The following HSPA4 variants were observed in gnomAD, a reference collection of about 807,000 sequenced individuals.
HSPA4 encodes the protein heat shock 70 kDa protein 4.
Under a neutral mutation model 106.2 loss-of-function variants are expected in HSPA4, and 25 were observed. That is an observed-to-expected ratio of 0.24 (90% CI 0.17 to 0.33). The LOEUF (loss-of-function observed/expected upper bound fraction) is 0.33. HSPA4 is among the 10% of genes least tolerant of loss of function. The pLI, the probability that HSPA4 is intolerant of heterozygous loss-of-function variation, is 1.00. For synonymous variants in HSPA4, 332 were observed against 333.6 expected (o/e 1.00, Z 0.05); for missense variants, 841 against 996.0 (o/e 0.84, Z 2.10).
intron 14 of HSPA4, 71 bp from the exon 15 acceptor site, chr5:133,097,090 A>C (rs1765721782): frequency 1.6e-6 from 2 of 1,259,062 alleles, no homozygotes; most frequent in Non-Finnish European, 2.2e-6. Flanking sequence ...CTCTACTTTT[A>C]TAATTATATT....
intron 15 of HSPA4, 103 bp downstream of exon 15, chr5:133,097,389 A>C: frequency 1.9e-6 from 2 of 1,030,040 alleles, no homozygotes; most frequent in Non-Finnish European, 2.7e-6. Context: ...TAGAATTATT[A>C]AAAATGGAGT....
At chr5:133,061,067 G>A (rs1010507549) in intron 1 of HSPA4, among the ~76,000 whole-genome samples, 3 of 151,344 alleles carry the variant, frequency 2.0e-5, no homozygotes, top group Non-Finnish European at 2.9e-5. Context: ...ACACACAACT[G>A]AAAAGCTTCA....
At chr5:133,085,044 A>T (rs934544218) in intron 7 of HSPA4, among the ~76,000 whole-genome samples, 7 of 152,028 alleles carry the variant, frequency 4.6e-5, no homozygotes, top group African/African-American at 1.7e-4. Flanking sequence ...CCTGGGCTCA[A>T]GCCTTAGCTT....
chr5:133,057,594 CCT>C (rs1261250515), intron 1 of HSPA4, among the ~76,000 whole-genome samples: 2 of 152,142 alleles, frequency 1.3e-5, no homozygotes, highest in Non-Finnish European at 2.9e-5. Context: ...TTCATAATAT[CCT>C]CTCAGAATGT....
In HSPA4 at chr5:133,070,516, A is replaced by C; in HGVS notation, c.429+20A>C. 1 of 1,610,682 alleles carries C rather than the reference A, an allele frequency of 6.2e-7. No homozygotes were observed. Among genetic ancestry groups the C allele is most frequent in the Non-Finnish European group, 8.5e-7 (1 of 1,178,112 alleles). ...GTTTCGGTGAGTTTGATCCCTATAC[A>C]TTATTGGGAATTTGCATGAAGAAGC... On this transcript the variant is annotated intron_variant, in intron 4 of 18. Transcript: ENST00000304858.
chr5:133,058,404 A>G (rs116307135), intron 1 of HSPA4, among the ~76,000 whole-genome samples: 4,619 of 152,230 alleles, frequency 0.03, 93 homozygotes, highest in Non-Finnish European at 0.044. Flanking sequence ...GGGGCTGGGC[A>G]CAGTGGCTCA....
At position 133,052,315 on chromosome 5, in the gene HSPA4, G is replaced by A; in HGVS notation, c.65G>A (p.Gly22Asp). The change falls in exon 1 of 19, where the codon GGC (glycine) becomes GAC (aspartate). Residue 22 changes from glycine (G) to aspartate (D), a missense_variant. By Grantham distance (94) the Gly-to-Asp change is moderately conservative. This residue lies in a region of HSPA4 where 347 missense variants were observed against 408.7 expected (regional missense o/e 0.85). Coordinates refer to ENST00000304858, the MANE Select transcript of HSPA4 (RefSeq NM_002154.4). ...TACGTCGCTGTGGCCCGCGCCGGCG[G>A]CATCGAGACTATCGCTAATGAGTAT... Reference protein sequence around the residue: ...SCYVAVARAGGIETIANEYSD... With the variant: ...SCYVAVARAGDIETIANEYSD... 1.3e-6 allele frequency: 2 copies of A among 1,587,918 alleles called. No homozygotes were observed. The highest frequency in any genetic ancestry group is 1.3e-5 in the African/African-American group (1 of 74,456).
intron 1 of HSPA4, among the ~76,000 whole-genome samples, chr5:133,060,467 A>G (rs1462336377): frequency 6.6e-6 from 1 of 151,636 alleles, no homozygotes; most frequent in Non-Finnish European, 1.5e-5. Flanking sequence ...GGTTCAAGTG[A>G]TTCTTCTGCC....
intron 7 of HSPA4, among the ~76,000 whole-genome samples, chr5:133,080,207 A>G (rs1252120428): frequency 6.6e-6 from 1 of 151,522 alleles, no homozygotes; most frequent in Non-Finnish European, 1.5e-5. Flanking sequence ...TGAGCTCAGG[A>G]GTTCGAGACC....
At chr5:133,088,873 T>TA (rs1765611020) in intron 9 of HSPA4, among the ~76,000 whole-genome samples, 182 bp from the exon 10 acceptor site, 2 of 152,200 alleles carry the variant, frequency 1.3e-5, no homozygotes, top group Admixed American at 6.5e-5. Context: ...AAGGAATAGC[T>TA]AGATTATATA....
Position 133,052,369 on chromosome 5 carries a change from C to T in HSPA4, c.107+12C>T. ...GACCGCTGCACGCCGTAAGTGTGGG[C>T]CGGGCCTGCCGCGTGCACTGGGGTT... On this transcript the variant is annotated intron_variant, in intron 1 of 18. Coordinates refer to ENST00000304858, the MANE Select transcript of HSPA4 (RefSeq NM_002154.4). The T allele has an allele frequency of 1.3e-6, 2 of 1,490,432 alleles. No homozygotes were observed. Among genetic ancestry groups the T allele is most frequent in the Non-Finnish European group, 1.8e-6 (2 of 1,103,566 alleles). 92.3% of individuals were successfully genotyped at this position (1,490,432 alleles called of 1,614,324 possible).
rs397999293 is a variant in HSPA4 at position 133,055,307 on chromosome 5, A to ATTTT, written c.107+2978_107+2981dup. Among the ~76,000 whole-genome samples, 200 of 60,098 alleles carry ATTTT rather than the reference A, an allele frequency of 3.3e-3. 14 individuals carry two copies. The highest frequency in any genetic ancestry group is 4.6e-3 in the Non-Finnish European group (148 of 32,048). 39.4% of individuals were successfully genotyped at this position (60,098 alleles called of 152,430 possible). On this transcript the variant is annotated intron_variant, in intron 1 of 18. Transcript: ENST00000304858. ...ATAGAAAATGGTAGCAGGAAGGTTG[A>ATTTT]TTTTTTTTTTTTTTTTTTTTTTTTT...
chr5:133,074,440 G>A (rs541434735), intron 6 of HSPA4, among the ~76,000 whole-genome samples: 5 of 152,086 alleles, frequency 3.3e-5, no homozygotes, highest in South Asian at 2.1e-4. Flanking sequence ...CACCACGCCC[G>A]GCTAATTTTG....
chr5:133,067,352 G>A lies in HSPA4; in HGVS notation c.166-65G>A. The stretch of plus-strand genomic sequence containing the variant: ...AGTTAAAATGTTGCTAATTTAATCT[G>A]AGGCTGTTGAAATAAAAAAAAAATT... On this transcript the variant is annotated intron_variant, in intron 2 of 18. Coordinates refer to ENST00000304858, the MANE Select transcript of HSPA4 (RefSeq NM_002154.4). 9.0e-6 allele frequency: 12 copies of A among 1,327,916 alleles called. No homozygotes were observed. The South Asian group carries it at 1.3e-4, about 15-fold the overall frequency. The allele number at this position is 1,327,916 out of a possible 1,614,324, so 82.3% of individuals were successfully genotyped here.
chr5:133,086,742 T>G (rs1293879305), intron 7 of HSPA4, 40 bp from the exon 8 acceptor site: 1 of 1,421,398 alleles, frequency 7.0e-7, no homozygotes, highest in Non-Finnish European at 9.9e-7. Flanking sequence ...GGCATGTGAT[T>G]TAATGTACTG....
At chr5:133,092,428 A>T (rs1404122295) in intron 12 of HSPA4, among the ~76,000 whole-genome samples, 1 of 152,174 alleles carries the variant, frequency 6.6e-6, no homozygotes, top group African/African-American at 2.4e-5. Context: ...AACTGTGAGT[A>T]CTTAATGGTG....
In HSPA4 at chr5:133,097,201, A is replaced by G. The variant is rs1308126108; in HGVS notation, c.1844A>G (p.Asn615Ser). ...CAGGATAAACTGGAGAAGGAGCGGA[A>G]TGATGCTAAGAACGCAGTGGAGGAA... ...IMQDKLEKERNDAKNAVEEYV... is the reference protein window; with the variant it reads ...IMQDKLEKERSDAKNAVEEYV... The change falls in exon 15 of 19, where the codon AAT becomes AGT. Residue 615 changes from asparagine to serine, a missense_variant. This residue lies in a region of HSPA4 where 328 missense variants were observed against 372.2 expected (regional missense o/e 0.88). Coordinates refer to ENST00000304858, the MANE Select transcript of HSPA4 (RefSeq NM_002154.4). 4 of 1,611,716 alleles carry G rather than the reference A, an allele frequency of 2.5e-6. No individual in the cohort carries two copies. The highest frequency in any genetic ancestry group is 3.4e-6 in the Non-Finnish European group (4 of 1,177,952).
Position 133,096,081 on chromosome 5 carries a change from G to A in HSPA4, c.1651-17G>A. 1 of 1,608,434 alleles carries A rather than the reference G, an allele frequency of 6.2e-7. No homozygotes were observed. Among genetic ancestry groups the A allele is most frequent in the Non-Finnish European group, 8.5e-7 (1 of 1,177,416 alleles). On this transcript the variant is annotated splice_polypyrimidine_tract_variant and intron_variant, in intron 13 of 18. Coordinates refer to ENST00000304858, the MANE Select transcript of HSPA4 (RefSeq NM_002154.4). ...GTCTGTATATGTGTTTGTTCTTAAT[G>A]ATTTCTATTGTTTTAGACCTCTCAA...
At chr5:133,097,019 T>G in intron 14 of HSPA4, 142 bp from the exon 15 acceptor site, 3 of 533,476 alleles carry the variant, frequency 5.6e-6, no homozygotes, top group Non-Finnish European at 9.7e-6. Flanking sequence ...CAAGGATTAG[T>G]CTTCCCACTT....
Sources: allele counts gnomAD v4.1 joint callset (sites outside exome capture counted in the v4.1 genomes callset), GRCh38; gene constraint gnomAD v4.1.1; regional missense constraint gnomAD v4.1.1; transcripts MANE v1.5; gene names NCBI Gene and HGNC (gene_info 2026-07-23, HGNC 2026-07-21).